NETO1: variants seen among roughly 807,000 people sequenced by gnomAD.
NETO1 encodes the protein neuropilin and tolloid like 1, also known as neuropilin and tolloid-like protein 1.
In NETO1, 26 loss-of-function variants were observed where a neutral mutation model predicts 61.3. The ratio of observed to expected loss-of-function variants is 0.42; its 90% CI spans 0.31 to 0.59. The LOEUF is 0.59. NETO1 is among the 20% of genes least tolerant of loss of function. The pLI is 0.12. For missense variants in NETO1, 531 were observed against 662.8 expected, an observed-to-expected ratio of 0.80 and a Z score of 2.18; for synonymous variants, 225 against 225.8, an observed-to-expected ratio of 1.00 and a Z score of 0.03.
At chr18:72,757,603 A>C (rs1599099283) in intron 7 of NETO1, among the ~76,000 whole-genome samples, 1 of 152,284 alleles carries the variant, frequency 6.6e-6, no homozygotes, top group East Asian at 1.9e-4. Flanking sequence ...TTAAGAGTAG[A>C]AAATATGTAG....
At chr18:72,769,324 T>A (rs915705023) in intron 7 of NETO1, among the ~76,000 whole-genome samples, 1 of 152,192 alleles carries the variant, frequency 6.6e-6, no homozygotes, top group Admixed American at 6.5e-5. Flanking sequence ...TCTCGGAAGA[T>A]AAATGGTGGA....
chr18:72,792,527 C>A lies in NETO1; in HGVS notation c.639+1590G>T, dbSNP rs73966663. Among the ~76,000 whole-genome samples, 956 of 151,838 alleles carry A rather than the reference C, an allele frequency of 6.3e-3. 10 individuals carry two copies. The highest frequency in any genetic ancestry group is 0.022 in the African/African-American group (904 of 41,420). ...TCTATCTCATCTCTCTCTAGTATTT[C>A]CCTCATGTTGGACCACCATGGCCTA... On this transcript the variant is annotated intron_variant, in intron 6 of 10. Coordinates refer to ENST00000327305, the MANE Select transcript of NETO1 (RefSeq NM_138966.5).
At chr18:72,775,747 A>G (rs1245262008) in intron 7 of NETO1, among the ~76,000 whole-genome samples, 2 of 152,228 alleles carry the variant, frequency 1.3e-5, no homozygotes, top group Non-Finnish European at 2.9e-5. Context: ...AAGAGAAATC[A>G]TGGATTAGGA....
intron 6 of NETO1, among the ~76,000 whole-genome samples, chr18:72,784,330 A>G (rs1040554261): frequency 6.8e-6 from 1 of 146,472 alleles, no homozygotes; most frequent in Admixed American, 7.2e-5. Flanking sequence ...TATTAATACC[A>G]AAGAAAAACA....
chr18:72,797,798 A>G (rs1243812437), intron 4 of NETO1, among the ~76,000 whole-genome samples: 1 of 151,906 alleles, frequency 6.6e-6, no homozygotes, highest in Admixed American at 6.6e-5. Context: ...GATCACATTC[A>G]CCTATTTCTC....
At chr18:72,822,405 TAAC>T (rs1409766739) in intron 4 of NETO1, among the ~76,000 whole-genome samples, 8 of 152,040 alleles carry the variant, frequency 5.3e-5, no homozygotes, top group Admixed American at 5.2e-4. Flanking sequence ...CAAGAACAGA[TAAC>T]AAGAAGGACA....
At chr18:72,749,321 G>A (rs1003691353) in intron 9 of NETO1, among the ~76,000 whole-genome samples, 2 of 152,026 alleles carry the variant, frequency 1.3e-5, no homozygotes, top group South Asian at 2.1e-4. Flanking sequence ...CATGCAAAAC[G>A]AAGTATAAGT....
intron 4 of NETO1, among the ~76,000 whole-genome samples, chr18:72,796,277 T>C (rs1462826451): frequency 6.6e-6 from 1 of 152,120 alleles, no homozygotes; most frequent in Non-Finnish European, 1.5e-5. Context: ...TTATCTTCAT[T>C]AAAGGTTTTG....
In NETO1 at chr18:72,783,897, G is replaced by A. The variant is rs138673172; in HGVS notation, c.649C>T (p.Arg217Ter). The change falls in exon 7 of 11, where the codon CGA (arginine) becomes TGA (stop). Residue 217 changes from arginine to a stop codon, truncating the protein, a stop_gained. Coordinates refer to ENST00000327305, the MANE Select transcript of NETO1 (RefSeq NM_138966.5). LOFTEE classifies it high-confidence loss of function. ...RAPPRSKIYL[R>*]FLDYEMQNSN... Reference sequence around the variant, plus strand: ...TTCTGCATCTCATAGTCCAAGAATCGTAAGTAAATCTATAAAACAAAAATA... The same window carrying A: ...TTCTGCATCTCATAGTCCAAGAATCATAAGTAAATCTATAAAACAAAAATA... 3 of 1,609,876 alleles carry A rather than the reference G, an allele frequency of 1.9e-6. No individual in the cohort carries two copies. The highest frequency in any genetic ancestry group is 2.6e-6 in the Non-Finnish European group (3 of 1,176,310).
intron 8 of NETO1, among the ~76,000 whole-genome samples, chr18:72,754,634 C>G (rs573976658): frequency 4.1e-4 from 62 of 152,172 alleles, no homozygotes; most frequent in African/African-American, 1.5e-3. Flanking sequence ...AACAATTACA[C>G]ACATATATGA....
At chr18:72,767,032 C>T (rs2071189457) in intron 7 of NETO1, among the ~76,000 whole-genome samples, 1 of 152,094 alleles carries the variant, frequency 6.6e-6, no homozygotes. Flanking sequence ...TGTTGGTTTT[C>T]ATAATATGTA....
chr18:72,755,702 A>G (rs944984449), intron 8 of NETO1, among the ~76,000 whole-genome samples: 1 of 152,126 alleles, frequency 6.6e-6, no homozygotes, highest in Non-Finnish European at 1.5e-5. Context: ...TGAGACGTGT[A>G]GCCACAAGCA....
At chr18:72,769,055 G>A (rs2071259091) in intron 7 of NETO1, among the ~76,000 whole-genome samples, 1 of 152,312 alleles carries the variant, frequency 6.6e-6, no homozygotes, top group Middle Eastern at 3.4e-3. Flanking sequence ...GGAGAGGGCA[G>A]TGATGAGAAA....
At chr18:72,859,721 T>C (rs2074511780) in intron 3 of NETO1, among the ~76,000 whole-genome samples, 1 of 152,150 alleles carries the variant, frequency 6.6e-6, no homozygotes, top group South Asian at 2.1e-4. Context: ...CAGACATGTC[T>C]TGTCTTCTAA....
At chr18:72,854,276 A>G (rs539428138) in intron 4 of NETO1, among the ~76,000 whole-genome samples, 33 of 152,330 alleles carry the variant, frequency 2.2e-4, no homozygotes, top group African/African-American at 7.9e-4. Flanking sequence ...CACTCACTTC[A>G]ATGTCAATGC....
At chr18:72,841,736 C>CA (rs10690867) in intron 4 of NETO1, among the ~76,000 whole-genome samples, 9 of 115,406 alleles carry the variant, frequency 7.8e-5, no homozygotes, top group African/African-American at 1.9e-4. Flanking sequence ...TCTACCTCAA[C>CA]AAAAAAAAAA....
chr18:72,865,522 T>A (rs967600516), intron 1 of NETO1: 1 of 1,583,548 alleles, frequency 6.3e-7, no homozygotes, highest in African/African-American at 1.3e-5. Context: ...AATTTACTCA[T>A]GTCACACACA....
chr18:72,783,926 T>A lies in NETO1; in HGVS notation c.640-20A>T, dbSNP rs776730942. 2 of 1,540,530 alleles carry A rather than the reference T, an allele frequency of 1.3e-6. No individual in the cohort carries two copies. Among genetic ancestry groups the A allele is most frequent in the East Asian group, 2.2e-5 (1 of 44,488 alleles). On this transcript the variant is annotated intron_variant, in intron 6 of 10. Coordinates refer to ENST00000327305, the MANE Select transcript of NETO1 (RefSeq NM_138966.5). The stretch of plus-strand genomic sequence containing the variant: ...GTAAATCTATAAAACAAAAATAAAA[T>A]AATTTCCACATATCAAAATATGAAT...
At chr18:72,772,749 C>G (rs1290062222) in intron 7 of NETO1, among the ~76,000 whole-genome samples, 1 of 27,146 alleles carries the variant, frequency 3.7e-5, no homozygotes, top group Non-Finnish European at 6.3e-5. Flanking sequence ...ACACATCTCT[C>G]TATATATATC....
Sources: allele counts gnomAD v4.1 joint callset (sites outside exome capture counted in the v4.1 genomes callset), GRCh38; gene constraint gnomAD v4.1.1; transcripts MANE v1.5; gene names NCBI Gene and HGNC (gene_info 2026-07-23, HGNC 2026-07-21).